The following SYNJ2 variants were observed in gnomAD, a reference collection of about 807,000 sequenced individuals.
SYNJ2 encodes polyphosphatidylinositol phosphatase SYNJ2.
A neutral mutation model predicts 141.3 loss-of-function variants in SYNJ2; 116 were observed. The ratio of observed to expected loss-of-function variants is 0.82; its 90% CI spans 0.71 to 0.96. The LOEUF (loss-of-function observed/expected upper bound fraction) is 0.96, where lower values mean the gene tolerates loss of function less well. Among genes scored for constraint, SYNJ2 ranks in the 40% least tolerant of loss-of-function variants. The pLI is 0.00. For missense variants in SYNJ2, 1,873 were observed against 1,934.8 expected, an observed-to-expected ratio of 0.97 and a Z score of 0.60; for synonymous variants, 745 against 777.7, an observed-to-expected ratio of 0.96 and a Z score of 0.70.
intron 6 of SYNJ2, among the ~76,000 whole-genome samples, chr6:158,056,740 C>T (rs537722834): frequency 1.3e-5 from 2 of 152,190 alleles, no homozygotes; most frequent in South Asian, 4.1e-4. Context: ...AAGAGTCGTG[C>T]GGTTCTCTGA....
chr6:158,097,001 C>G lies in SYNJ2; in HGVS notation c.*637C>G, dbSNP rs572186029. 6.5e-6 allele frequency: 1 copy of G among 152,938 alleles called. No homozygotes were observed. Among genetic ancestry groups the G allele is most frequent in the South Asian group, 2.1e-4 (1 of 4,834 alleles). The allele number at this position is 152,938 out of a possible 1,614,324, so 9.5% of individuals were successfully genotyped here. Reference sequence around the variant, plus strand: ...ATCCCGAGGGAGCCGGTGGCATACACCGTTAGCTTAACCTTAGCTTAAACT... The same window carrying G: ...ATCCCGAGGGAGCCGGTGGCATACAGCGTTAGCTTAACCTTAGCTTAAACT... On this transcript the variant is annotated 3_prime_UTR_variant, in exon 27 of 27. Coordinates refer to ENST00000355585, the MANE Select transcript of SYNJ2 (RefSeq NM_003898.4).
rs372863477 is a variant in SYNJ2 at position 158,086,877 on chromosome 6, C to G, written c.3231C>G (p.Leu1077=). 133 of 1,611,340 alleles carry G rather than the reference C, an allele frequency of 8.3e-5. No individual in the cohort carries two copies. The highest frequency in any genetic ancestry group is 1.1e-4 in the Non-Finnish European group (128 of 1,180,042). Residue 1077 remains leucine, a synonymous_variant, in exon 23 of 27, where the codon CTC becomes CTG. Coordinates refer to ENST00000355585, the MANE Select transcript of SYNJ2 (RefSeq NM_003898.4). The part of the protein sequence containing the change: ...TYKDDADLVE[L]KRELEAVGEF... ...CAGATGACGCGGACCTGGTGGAGCT[C>G]AAGCGGGAGCTGGAAGCCGTCGGGG...
intron 1 of SYNJ2, among the ~76,000 whole-genome samples, chr6:157,996,941 A>G (rs376339509): frequency 4.6e-5 from 7 of 152,122 alleles, no homozygotes; most frequent in African/African-American, 1.7e-4. Context: ...ACCCAGTCTC[A>G]GGCATTTCTT....
At chr6:157,993,541 T>A (rs975693123) in intron 1 of SYNJ2, among the ~76,000 whole-genome samples, 1 of 152,060 alleles carries the variant, frequency 6.6e-6, no homozygotes, top group Non-Finnish European at 1.5e-5. Context: ...TAACTTAATA[T>A]GATCTCTTTT....
Position 158,040,968 on chromosome 6 carries a change from C to G in SYNJ2, c.712-2348C>G, listed in dbSNP as rs1250459283. ...CCTCCTTCTTCCCACGACCCAAGCT[C>G]TCTCCGACGCCAGCAGGTGCCCGCA... On this transcript the variant is annotated intron_variant, in intron 4 of 26. Coordinates refer to ENST00000355585, the MANE Select transcript of SYNJ2 (RefSeq NM_003898.4). The surrounding 1 kb of genome is among the most constrained non-coding windows in gnomAD (Gnocchi z 4.2). Among the ~76,000 whole-genome samples, 1 of 152,220 alleles carries G rather than the reference C, an allele frequency of 6.6e-6. No individual in the cohort carries two copies. The highest frequency in any genetic ancestry group is 1.9e-4 in the East Asian group (1 of 5,190).
At chr6:158,077,355 A>G (rs1419795918) in intron 17 of SYNJ2, among the ~76,000 whole-genome samples, 1 of 152,152 alleles carries the variant, frequency 6.6e-6, no homozygotes, top group African/African-American at 2.4e-5. Flanking sequence ...CTGCCCCTGC[A>G]TCACAGCTCC....
At chr6:158,014,684 C>T (rs1024103010) in intron 1 of SYNJ2, among the ~76,000 whole-genome samples, 16 of 152,234 alleles carry the variant, frequency 1.1e-4, no homozygotes, top group African/African-American at 3.6e-4. Flanking sequence ...AGCTATGTCC[C>T]GAGAACCAGC....
intron 12 of SYNJ2, among the ~76,000 whole-genome samples, chr6:158,066,910 A>G (rs994115893): frequency 1.3e-5 from 2 of 152,226 alleles, no homozygotes; most frequent in Non-Finnish European, 2.9e-5. Context: ...TTTCATCAGT[A>G]GAATCTTTTC....
Position 157,981,996 on chromosome 6 carries a change from G to A in SYNJ2, c.35G>A (p.Arg12His). Residue 12 changes from arginine to histidine, a missense_variant, in exon 1 of 27, where the codon CGC becomes CAC. Arg to His is a conservative substitution (Grantham distance 29). Coordinates refer to ENST00000355585, the MANE Select transcript of SYNJ2 (RefSeq NM_003898.4). The surrounding 1 kb of genome is among the most constrained non-coding windows in gnomAD (Gnocchi z 6.4). ...AGCAAAGGGCTGCGGCTGCTGGGGC[G>A]CCTGGGGGCCGAGGGGGACTGTAGC... ...ALSKGLRLLGRLGAEGDCSVL... is the reference protein window; with the variant it reads ...ALSKGLRLLGHLGAEGDCSVL... 3 of 1,282,268 alleles carry A rather than the reference G, an allele frequency of 2.3e-6. No individual in the cohort carries two copies. The highest frequency in any genetic ancestry group is 3.0e-6 in the Non-Finnish European group (3 of 1,015,682). 79.4% of individuals were successfully genotyped at this position (1,282,268 alleles called of 1,614,324 possible).
chr6:158,060,308 T>G (rs1750033), intron 7 of SYNJ2, among the ~76,000 whole-genome samples: 81,011 of 151,920 alleles, frequency 0.53, 21,815 homozygotes, highest in Admixed American at 0.62. Context: ...CCTGGCCAGG[T>G]TCCATCCCTG....
Position 158,096,338 on chromosome 6 carries a change from G to A in SYNJ2, c.4465G>A (p.Val1489Met). Residue 1489 changes from valine to methionine, a missense_variant, in exon 27 of 27, where the codon GTG becomes ATG. Transcript: ENST00000355585. The stretch of plus-strand genomic sequence containing the variant: ...CCAAGAAAAGAGGACAGCACTGCAG[G>A]TGTTTGACCCACTGGCAAAAACATG... ...SDQEKRTALQ[V>M]FDPLAKT The A allele has an allele frequency of 6.2e-7, 1 of 1,609,276 alleles. No homozygotes were observed. The highest frequency in any genetic ancestry group is 1.3e-5 in the African/African-American group (1 of 74,654).
intron 13 of SYNJ2, 38 bp downstream of exon 13, chr6:158,068,766 C>A: frequency 6.2e-7 from 1 of 1,609,372 alleles, no homozygotes; most frequent in Non-Finnish European, 8.5e-7. Flanking sequence ...CAGGGACTTC[C>A]TGAGTCAGGT....
intron 5 of SYNJ2, among the ~76,000 whole-genome samples, chr6:158,047,788 A>C (rs1327250132): frequency 5.4e-5 from 8 of 147,028 alleles, no homozygotes; most frequent in Non-Finnish European, 9.0e-5. Context: ...AAAAAAAAAA[A>C]AAAAAAAAAA....
Position 158,064,808 on chromosome 6 carries a change from G to T in SYNJ2, c.1360-18G>T, listed in dbSNP as rs748738629. The stretch of plus-strand genomic sequence containing the variant: ...CCCAGGGACCCCCCTCACGGCCTGC[G>T]GTCTGGGCTCTCGGCAGGTGGGGAA... On this transcript the variant is annotated intron_variant, in intron 10 of 26. Transcript: ENST00000355585. 11 of 1,609,570 alleles carry T rather than the reference G, an allele frequency of 6.8e-6. No homozygotes were observed. The highest frequency in any genetic ancestry group is 1.7e-5 in the Admixed American group (1 of 59,886).
Position 158,043,820 on chromosome 6 carries a change from C to T in SYNJ2, c.795+421C>T, listed in dbSNP as rs921069175. 2.6e-5 allele frequency among the ~76,000 whole-genome samples: 4 copies of T among 152,176 alleles called. No homozygotes were observed. The highest frequency in any genetic ancestry group is 6.5e-5 in the Admixed American group (1 of 15,284). ...TCTGTGGCTGCGTAGGTCTGGCACC[C>T]GGTGCTGCCTGTTGTGGGGCCACGT... On this transcript the variant is annotated intron_variant, in intron 5 of 26. Transcript: ENST00000355585. This position sits in a 1 kb window ranked among gnomAD's most constrained non-coding sequence, Gnocchi z 4.0.
chr6:158,014,933 T>G (rs1778394234), intron 1 of SYNJ2, among the ~76,000 whole-genome samples: 1 of 152,186 alleles, frequency 6.6e-6, no homozygotes, highest in Non-Finnish European at 1.5e-5. Flanking sequence ...CAGTTGGGAC[T>G]TGTGGTCTGA....
At chr6:158,059,376 A>G in intron 7 of SYNJ2, 23 bp downstream of exon 7, 2 of 1,548,538 alleles carry the variant, frequency 1.3e-6, no homozygotes, top group Non-Finnish European at 1.7e-6. Context: ...TGTCCTCTCC[A>G]CAGCTGGGCT....
intron 26 of SYNJ2, chr6:158,093,804 T>A (rs1213298131): frequency 3.1e-5 from 22 of 718,882 alleles, no homozygotes; most frequent in Admixed American, 5.5e-5. Context: ...AGTAACCGAT[T>A]CCCAGATTCG....
At chr6:158,060,949 A>G (rs543853554) in intron 7 of SYNJ2, among the ~76,000 whole-genome samples, 1 of 152,358 alleles carries the variant, frequency 6.6e-6, no homozygotes, top group East Asian at 1.9e-4. Flanking sequence ...GCCCAGACCA[A>G]GGTTGGTGGC....
Sources: allele counts gnomAD v4.1 joint callset (sites outside exome capture counted in the v4.1 genomes callset), GRCh38; gene constraint gnomAD v4.1.1; non-coding constraint Gnocchi (gnomAD v3.1); transcripts MANE v1.5; gene names NCBI Gene and HGNC (gene_info 2026-07-23, HGNC 2026-07-21).